Variants in RALYL observed in about 807,000 individuals in gnomAD.
RALYL encodes the protein RALY RNA binding protein like.
Under a neutral mutation model 35.1 loss-of-function variants are expected in RALYL, and 29 were observed. That is an observed-to-expected ratio of 0.83 (90% CI 0.61 to 1.13). The LOEUF is 1.13. Ranked by LOEUF, RALYL falls within the 50% of genes most tolerant of loss-of-function variation. The probability of loss-of-function intolerance (pLI) is 0.00; values close to 1 mark genes in which losing one functional copy is unlikely to be tolerated. For missense variants in RALYL, 359 were observed against 360.4 expected, an observed-to-expected ratio of 1.00 and a Z score of 0.03; for synonymous variants, 120 against 127.6, an observed-to-expected ratio of 0.94 and a Z score of 0.40.
chr8:84,899,598 T>C (rs1180237928), intron 8 of RALYL, among the ~76,000 whole-genome samples: 1 of 152,214 alleles, frequency 6.6e-6, no homozygotes, highest in Non-Finnish European at 1.5e-5. Flanking sequence ...GTTTTCATTA[T>C]AGCTTAATCA....
chr8:84,235,581 G>T (rs1342481552), intron 1 of RALYL, among the ~76,000 whole-genome samples: 1 of 152,224 alleles, frequency 6.6e-6, no homozygotes, highest in East Asian at 1.9e-4. Flanking sequence ...CATAGAAGAA[G>T]AAATCCAGAA....
intron 8 of RALYL, among the ~76,000 whole-genome samples, chr8:84,910,972 A>C (rs1452075625): frequency 6.6e-6 from 1 of 152,094 alleles, no homozygotes; most frequent in Non-Finnish European, 1.5e-5. Context: ...TCCATTATTT[A>C]CTGATACTAA....
Position 84,581,857 on chromosome 8 carries a change from T to A in RALYL, c.256+52280T>A, listed in dbSNP as rs544832927. ...AGACAAATTTCTCAATGAATTATTCTTTTTAATCAACCAAGAGGAGGAAGT... is the reference window on the plus strand; with the variant it reads ...AGACAAATTTCTCAATGAATTATTCATTTTAATCAACCAAGAGGAGGAAGT... On this transcript the variant is annotated intron_variant, in intron 2 of 8. Transcript: ENST00000521268. 1.8e-4 allele frequency among the ~76,000 whole-genome samples: 28 copies of A among 152,300 alleles called. 1 individual carries two copies. The highest frequency in any genetic ancestry group is 4.6e-4 in the Admixed American group (7 of 15,302).
At chr8:84,630,532 G>T (rs982789511) in intron 2 of RALYL, among the ~76,000 whole-genome samples, 3 of 151,986 alleles carry the variant, frequency 2.0e-5, no homozygotes, top group African/African-American at 7.2e-5. Flanking sequence ...CAGTTTCTCC[G>T]CTGCTTCCAT....
intron 2 of RALYL, among the ~76,000 whole-genome samples, chr8:84,744,277 C>G (rs1808093201): frequency 6.6e-6 from 1 of 151,956 alleles, no homozygotes; most frequent in South Asian, 2.1e-4. Context: ...TCATCCCTAG[C>G]CCCACAGATT....
intron 1 of RALYL, among the ~76,000 whole-genome samples, chr8:84,203,834 G>T (rs1817466647): frequency 6.6e-6 from 1 of 151,820 alleles, no homozygotes; most frequent in African/African-American, 2.4e-5. Flanking sequence ...TAATGCTATT[G>T]ACATAGTGTT....
At chr8:84,300,016 T>C (rs1840477310) in intron 1 of RALYL, among the ~76,000 whole-genome samples, 1 of 152,028 alleles carries the variant, frequency 6.6e-6, no homozygotes, top group South Asian at 2.1e-4. Flanking sequence ...TGAGTTCCTC[T>C]AAGAGTGATA....
At chr8:84,363,339 G>T (rs1181395167) in intron 1 of RALYL, among the ~76,000 whole-genome samples, 1 of 152,192 alleles carries the variant, frequency 6.6e-6, no homozygotes, top group African/African-American at 2.4e-5. Flanking sequence ...AAACAGAAGG[G>T]AGATGGGGAA....
intron 8 of RALYL, among the ~76,000 whole-genome samples, chr8:84,906,089 C>CT (rs35370651): frequency 0.3 from 45,980 of 151,902 alleles, 7,497 homozygotes; most frequent in East Asian, 0.61. Flanking sequence ...GATTAATAGA[C>CT]TTTTCTGGGA....
At chr8:84,905,700 ATT>A (rs35284071) in intron 8 of RALYL, among the ~76,000 whole-genome samples, 3 of 142,962 alleles carry the variant, frequency 2.1e-5, no homozygotes, top group Non-Finnish European at 3.1e-5. Flanking sequence ...TATGAATACT[ATT>A]TTTTTTTTTT....
intron 1 of RALYL, among the ~76,000 whole-genome samples, chr8:84,494,224 T>A (rs897408531): frequency 3.3e-5 from 5 of 152,020 alleles, no homozygotes; most frequent in Non-Finnish European, 5.9e-5. Flanking sequence ...ACATCTGTGG[T>A]CTTATTTCTG....
At chr8:84,889,349 A>G (rs1434145560) in intron 8 of RALYL, among the ~76,000 whole-genome samples, 1 of 152,138 alleles carries the variant, frequency 6.6e-6, no homozygotes, top group Non-Finnish European at 1.5e-5. Context: ...CCATGCTGCC[A>G]TTTACAATGG....
intron 1 of RALYL, among the ~76,000 whole-genome samples, chr8:84,367,822 A>C (rs550072052): frequency 2.1e-4 from 32 of 152,282 alleles, no homozygotes; most frequent in Non-Finnish European, 4.0e-4. Flanking sequence ...GCAAATAAGT[A>C]ATATTAAAAG....
chr8:84,630,107 A>G (rs1213984645), intron 2 of RALYL, among the ~76,000 whole-genome samples: 1 of 152,082 alleles, frequency 6.6e-6, no homozygotes, highest in Non-Finnish European at 1.5e-5. Context: ...AATTTTTTCC[A>G]GCTAAGATTA....
intron 1 of RALYL, among the ~76,000 whole-genome samples, chr8:84,259,510 T>C (rs982832082): frequency 2.0e-5 from 3 of 152,202 alleles, no homozygotes; most frequent in Admixed American, 1.3e-4. Context: ...TGAACAGGGA[T>C]ACTCAGCATT....
chr8:84,787,285 T>C (rs1431016304), intron 3 of RALYL, among the ~76,000 whole-genome samples: 1 of 152,140 alleles, frequency 6.6e-6, no homozygotes, highest in East Asian at 1.9e-4. Context: ...CTGTGTTAGT[T>C]TGATGAGAAT....
intron 1 of RALYL, among the ~76,000 whole-genome samples, chr8:84,363,958 A>G (rs368894585): frequency 1.5e-4 from 23 of 152,148 alleles, no homozygotes; most frequent in African/African-American, 5.3e-4. Context: ...TAGCTTTTGT[A>G]TGTTTGTTTT....
At chr8:84,700,365 A>G (rs1370090215) in intron 2 of RALYL, among the ~76,000 whole-genome samples, 1 of 152,160 alleles carries the variant, frequency 6.6e-6, no homozygotes, top group Non-Finnish European at 1.5e-5. Context: ...AATGCATAGG[A>G]AACTGGACAA....
chr8:84,232,942 T>G (rs1825695709), intron 1 of RALYL, among the ~76,000 whole-genome samples: 1 of 152,134 alleles, frequency 6.6e-6, no homozygotes, highest in South Asian at 2.1e-4. Context: ...AAGATAAAAT[T>G]TCTTTCTTTC....
Sources: gnomAD v4.1 joint callset for allele counts (sites outside exome capture counted in the v4.1 genomes callset) on GRCh38, gnomAD v4.1.1 for gene constraint, MANE v1.5 for transcripts, NCBI Gene and HGNC (gene_info 2026-07-23, HGNC 2026-07-21) for gene names.